TAX1BP1: variants seen among roughly 807,000 people sequenced by gnomAD.
TAX1BP1 encodes the protein Tax1 binding protein 1, also known as tax1-binding protein 1.
A neutral mutation model predicts 97.7 loss-of-function variants in TAX1BP1; 62 were observed. The observed-to-expected ratio is 0.63, with a 90% confidence interval of 0.52 to 0.78. The LOEUF (loss-of-function observed/expected upper bound fraction) is 0.78. TAX1BP1 is among the 30% of genes least tolerant of loss of function. TAX1BP1 has a pLI of 0.00. For synonymous variants in TAX1BP1, 340 were observed against 304.2 expected (o/e 1.12, Z -1.23); for missense variants, 867 against 916.1 (o/e 0.95, Z 0.69).
chr7:27,802,964 C>A, intron 13 of TAX1BP1: 1 of 709,682 alleles, frequency 1.4e-6, no homozygotes, highest in East Asian at 3.0e-5. Flanking sequence ...ACAAGTAATT[C>A]AGAGAAGTCA....
At chr7:27,744,783 CAT>C (rs1491428811) in intron 1 of TAX1BP1, among the ~76,000 whole-genome samples, 1 of 152,144 alleles carries the variant, frequency 6.6e-6, no homozygotes, top group Non-Finnish European at 1.5e-5. Context: ...GCCCCCACCC[CAT>C]GTTTATTTTA....
intron 5 of TAX1BP1, among the ~76,000 whole-genome samples, chr7:27,780,900 A>G (rs926033543): frequency 6.6e-6 from 1 of 152,150 alleles, no homozygotes; most frequent in Non-Finnish European, 1.5e-5. Flanking sequence ...AAGCATTTTC[A>G]TAGTTTATTT....
chr7:27,797,956 A>G (rs981024842), intron 12 of TAX1BP1, among the ~76,000 whole-genome samples: 11 of 151,986 alleles, frequency 7.2e-5, no homozygotes, highest in African/African-American at 2.7e-4. Context: ...TGAAACTATC[A>G]CCACAGTGCC....
intron 12 of TAX1BP1, among the ~76,000 whole-genome samples, chr7:27,798,795 T>C (rs144741534): frequency 3.9e-5 from 6 of 152,212 alleles, no homozygotes; most frequent in African/African-American, 1.4e-4. Flanking sequence ...TGACTTGATG[T>C]TGAGCATCTT....
chr7:27,741,354 C>G (rs143167469), intron 1 of TAX1BP1, among the ~76,000 whole-genome samples: 1 of 152,158 alleles, frequency 6.6e-6, no homozygotes, highest in African/African-American at 2.4e-5. Flanking sequence ...CTTAGGACAG[C>G]CTTTCTCTTT....
In TAX1BP1 at chr7:27,770,157, C is replaced by T. The variant is rs191377133; in HGVS notation, c.612+323C>T. Among the ~76,000 whole-genome samples the T allele has an allele frequency of 2.2e-3, 336 of 151,648 alleles. 2 individuals carry two copies. The highest frequency in any genetic ancestry group is 6.5e-3 in the African/African-American group (268 of 41,374). ...TAGAAATACAATTAGAAATGATAAA[C>T]GCTGAATAAAGGAAAAATGGGATAC... On this transcript the variant is annotated intron_variant, in intron 5 of 16. Transcript: ENST00000396319.
chr7:27,740,673 T>C (rs1787545705), intron 1 of TAX1BP1, among the ~76,000 whole-genome samples: 1 of 152,160 alleles, frequency 6.6e-6, no homozygotes, highest in Non-Finnish European at 1.5e-5. Context: ...TTGAGGGCAG[T>C]GTGGGTTTTA....
intron 1 of TAX1BP1, among the ~76,000 whole-genome samples, chr7:27,744,523 T>G (rs1381442380): frequency 6.6e-6 from 1 of 152,230 alleles, no homozygotes; most frequent in Non-Finnish European, 1.5e-5. Context: ...GAATTCTAAT[T>G]GTTAGGACTG....
intron 15 of TAX1BP1, among the ~76,000 whole-genome samples, chr7:27,817,869 T>G (rs1266974634): frequency 1.3e-5 from 2 of 152,154 alleles, no homozygotes; most frequent in Non-Finnish European, 2.9e-5. Flanking sequence ...TTTGCTGCAT[T>G]TAATTGCTAT....
intron 5 of TAX1BP1, among the ~76,000 whole-genome samples, chr7:27,771,102 T>A (rs1788831156): frequency 2.0e-5 from 2 of 100,072 alleles, no homozygotes; most frequent in African/African-American, 8.8e-5. Context: ...CAGCAATTTT[T>A]TTTTTTTTTT....
At chr7:27,780,920 A>C (rs183170717) in intron 5 of TAX1BP1, among the ~76,000 whole-genome samples, 6 of 152,156 alleles carry the variant, frequency 3.9e-5, no homozygotes, top group Non-Finnish European at 8.8e-5. Context: ...TCATAAGACT[A>C]CATCATTGAG....
chr7:27,772,488 T>C (rs1339826013), intron 5 of TAX1BP1: 1 of 152,198 alleles, frequency 6.6e-6, no homozygotes, highest in East Asian at 1.9e-4. Flanking sequence ...AGGAGAAATT[T>C]ATTGCATTTC....
chr7:27,822,985 C>G (rs181693263), intron 15 of TAX1BP1, among the ~76,000 whole-genome samples: 1 of 152,104 alleles, frequency 6.6e-6, no homozygotes, highest in East Asian at 1.9e-4. Flanking sequence ...CTTTTGAAAA[C>G]TAACAGATGT....
chr7:27,823,341 T>C (rs1437608207), intron 15 of TAX1BP1, among the ~76,000 whole-genome samples: 4 of 152,216 alleles, frequency 2.6e-5, no homozygotes, highest in Non-Finnish European at 2.9e-5. Context: ...AATATGTAAA[T>C]TTCTTAAAGT....
rs1395339202 is a variant in TAX1BP1, at chr7:27,805,279, T to G, written c.1764+5189T>G. 2.6e-5 allele frequency among the ~76,000 whole-genome samples: 4 copies of G among 152,228 alleles called. No homozygotes were observed. The East Asian group carries it at 7.7e-4, about 29-fold the overall frequency. ...TATGAGCAAGGTTAAACATCTTATC[T>G]TTTTTGTGAGTTCTTTGGCTCATTA... On this transcript the variant is annotated intron_variant, in intron 13 of 16. Transcript: ENST00000396319.
intron 13 of TAX1BP1, among the ~76,000 whole-genome samples, chr7:27,813,450 A>C (rs1033750608): frequency 6.7e-6 from 1 of 149,956 alleles, no homozygotes; most frequent in Non-Finnish European, 1.5e-5. Flanking sequence ...GACCTCCCAG[A>C]CTCAGGTGAT....
Position 27,785,476 on chromosome 7 carries a change from A to G in TAX1BP1, c.839A>G (p.Lys280Arg). 6.2e-7 allele frequency: 1 copy of G among 1,611,410 alleles called. No homozygotes were observed. The highest frequency in any genetic ancestry group is 8.5e-7 in the Non-Finnish European group (1 of 1,179,068). ...ECQLKTEKDE[K>R]ELYKVHLKNT... The stretch of plus-strand genomic sequence containing the variant: ...CAGTTGAAGACAGAGAAGGATGAAA[A>G]GGAACTTTATAAGGTAATTTATTTT... Residue 280 changes from lysine (K) to arginine (R), a missense_variant, in exon 7 of 17, where the codon AAG becomes AGG. Physicochemically the swap from Lys to Arg is conservative, Grantham distance 26. This residue lies in a region of TAX1BP1 where 822 missense variants were observed against 851.4 expected (regional missense o/e 0.97). Transcript: ENST00000396319.
chr7:27,754,363 TA>T (rs1005096748), intron 2 of TAX1BP1, among the ~76,000 whole-genome samples: 5 of 148,152 alleles, frequency 3.4e-5, no homozygotes, highest in Admixed American at 6.8e-5. Flanking sequence ...CCTCTGGTTG[TA>T]AAAAAAAATT....
chr7:27,747,179 G>C (rs1261076575), intron 1 of TAX1BP1, among the ~76,000 whole-genome samples: 1 of 152,152 alleles, frequency 6.6e-6, no homozygotes, highest in African/African-American at 2.4e-5. Flanking sequence ...GTGCAGTCAG[G>C]ACAGTCATAG....
Sources: gnomAD v4.1 joint callset for allele counts (sites outside exome capture counted in the v4.1 genomes callset) on GRCh38, gnomAD v4.1.1 for gene constraint, gnomAD v4.1.1 regional missense constraint, MANE v1.5 for transcripts, NCBI Gene and HGNC (gene_info 2026-07-23, HGNC 2026-07-21) for gene names.